EEFSEC: variants seen among roughly 807,000 people sequenced by gnomAD.
EEFSEC encodes the protein eukaryotic elongation factor, selenocysteine-tRNA specific.
Under a neutral mutation model 42.1 loss-of-function variants are expected in EEFSEC, and 43 were observed. The ratio of observed to expected loss-of-function variants is 1.02; its 90% CI spans 0.80 to 1.32. The LOEUF (loss-of-function observed/expected upper bound fraction) is 1.32, where lower values mean the gene tolerates loss of function less well. Ranked by LOEUF, EEFSEC falls within the 40% of genes most tolerant of loss-of-function variation. The pLI is 0.00. For synonymous variants in EEFSEC, 354 were observed against 339.1 expected, an observed-to-expected ratio of 1.04 and a Z score of -0.48; for missense variants, 745 against 803.6, an observed-to-expected ratio of 0.93 and a Z score of 0.88.
chr3:128,216,329 T>C (rs1446256128), intron 1 of EEFSEC, among the ~76,000 whole-genome samples: 5 of 152,200 alleles, frequency 3.3e-5, no homozygotes, highest in African/African-American at 1.2e-4. Context: ...GGTGGTTTCA[T>C]GTCCACTAAC....
At chr3:128,404,289 G>A (rs1249442676) in intron 6 of EEFSEC, among the ~76,000 whole-genome samples, 1 of 152,238 alleles carries the variant, frequency 6.6e-6, no homozygotes, top group Admixed American at 6.5e-5. Context: ...TAGAGCAGAG[G>A]TAAACGAGCC....
At chr3:128,155,675 A>G (rs1363164163) in intron 1 of EEFSEC, among the ~76,000 whole-genome samples, 3 of 152,162 alleles carry the variant, frequency 2.0e-5, no homozygotes, top group Non-Finnish European at 4.4e-5. Flanking sequence ...TATTGGGCAG[A>G]TGATAATTGG....
chr3:128,247,005 A>C lies in EEFSEC; in HGVS notation c.486A>C (p.Lys162Asn), dbSNP rs1190106638. 1 of 1,614,138 alleles carries C rather than the reference A, an allele frequency of 6.2e-7. No homozygotes were observed. Among genetic ancestry groups the C allele is most frequent in the South Asian group, 1.1e-5 (1 of 91,076 alleles). Reference sequence around the variant, plus strand: ...GAAAGAGACAGGCAGCAATTGATAAAATGACCAAGAAAATGCAGAAGACCC... The same window carrying C: ...GAAAGAGACAGGCAGCAATTGATAACATGACCAAGAAAATGCAGAAGACCC... ...PEGKRQAAID[K>N]MTKKMQKTLE... The change falls in exon 2 of 7, where the codon AAA becomes AAC. Residue 162 changes from lysine to asparagine, a missense_variant. Coordinates refer to ENST00000254730, the MANE Select transcript of EEFSEC (RefSeq NM_021937.5).
chr3:128,226,586 C>A (rs942932769), intron 1 of EEFSEC, among the ~76,000 whole-genome samples: 1 of 152,152 alleles, frequency 6.6e-6, no homozygotes, highest in African/African-American at 2.4e-5. Context: ...AGCTTTCCGG[C>A]CTGCTCCCTC....
At chr3:128,413,605 T>TC (rs1016428503), downstream of EEFSEC, among the ~76,000 whole-genome samples, 6 of 152,022 alleles carry the variant, frequency 3.9e-5, no homozygotes, top group African/African-American at 1.2e-4. Flanking sequence ...CCCCACGTGC[T>TC]CCCCCCACGT....
chr3:128,209,278 T>G (rs2065731557), intron 1 of EEFSEC, among the ~76,000 whole-genome samples: 1 of 152,170 alleles, frequency 6.6e-6, no homozygotes, highest in South Asian at 2.1e-4. Context: ...TTGTACTAGG[T>G]GAGACTTTTC....
chr3:128,368,121 T>C (rs1049973142), intron 6 of EEFSEC, among the ~76,000 whole-genome samples: 1 of 152,150 alleles, frequency 6.6e-6, no homozygotes, highest in Admixed American at 6.5e-5. Context: ...CAGATGGTGG[T>C]TGCATTTGGC....
chr3:128,234,162 C>T (rs1349024719), intron 1 of EEFSEC, among the ~76,000 whole-genome samples: 5 of 152,070 alleles, frequency 3.3e-5, no homozygotes, highest in South Asian at 2.1e-4. Flanking sequence ...AAGCAATTCT[C>T]GTGCCTCAGC....
intron 5 of EEFSEC, among the ~76,000 whole-genome samples, chr3:128,355,609 TAA>T (rs5852542): frequency 0.055 from 6,805 of 122,614 alleles, 257 homozygotes; most frequent in African/African-American, 0.13. Flanking sequence ...AATGAAGCTG[TAA>T]AAAAAAAAAA....
chr3:128,254,745 C>T (rs2066224333), intron 2 of EEFSEC, among the ~76,000 whole-genome samples: 1 of 152,090 alleles, frequency 6.6e-6, no homozygotes, highest in East Asian at 1.9e-4. Flanking sequence ...TGGGCCAGGA[C>T]TTCATCCCAG....
intron 1 of EEFSEC, among the ~76,000 whole-genome samples, chr3:128,163,769 A>C (rs2065215210): frequency 6.6e-6 from 1 of 152,070 alleles, no homozygotes; most frequent in Non-Finnish European, 1.5e-5. Context: ...CCGGTCCTGG[A>C]CATTTCATAT....
chr3:128,365,782 G>A (rs1008267222), intron 6 of EEFSEC, among the ~76,000 whole-genome samples: 1 of 152,204 alleles, frequency 6.6e-6, no homozygotes, highest in African/African-American at 2.4e-5. Context: ...TGTGCCACAA[G>A]GACCTCTCCA....
intron 5 of EEFSEC, among the ~76,000 whole-genome samples, chr3:128,347,040 C>A (rs555501294): frequency 1.3e-5 from 2 of 152,094 alleles, no homozygotes; most frequent in South Asian, 4.2e-4. Flanking sequence ...GAGCACCCTG[C>A]GAGGAAAATG....
chr3:128,408,642 C>T lies in EEFSEC; in HGVS notation c.*383C>T, dbSNP rs1170698930. 4 of 180,212 alleles carry T rather than the reference C, an allele frequency of 2.2e-5. No homozygotes were observed. The East Asian group carries it at 5.6e-4, about 25-fold the overall frequency. 11.2% of individuals were successfully genotyped at this position (180,212 alleles called of 1,614,324 possible). On this transcript the variant is annotated 3_prime_UTR_variant, in exon 7 of 7. Transcript: ENST00000254730. ...ATAAATGTCCCGTGGCCCCAGCCCA[C>T]TCTACTGGTGTCTCTCTCTCTGTGA... is the stretch of plus-strand genomic sequence containing the variant.
chr3:128,352,830 C>G (rs1406728262), intron 5 of EEFSEC, among the ~76,000 whole-genome samples: 1 of 152,268 alleles, frequency 6.6e-6, no homozygotes, highest in African/African-American at 2.4e-5. Context: ...TGGAGAGATG[C>G]CTGCACCCAC....
chr3:128,350,813 C>A (rs533563013), intron 5 of EEFSEC, among the ~76,000 whole-genome samples: 3 of 152,286 alleles, frequency 2.0e-5, no homozygotes, highest in African/African-American at 7.2e-5. Flanking sequence ...GCTGGTCAGG[C>A]GTTGATGAGA....
chr3:128,314,564 G>A (rs1029933413), intron 4 of EEFSEC, among the ~76,000 whole-genome samples: 16 of 152,210 alleles, frequency 1.1e-4, no homozygotes, highest in African/African-American at 3.9e-4. Context: ...GGCTGGTCTT[G>A]AACTCCTGGC....
intron 4 of EEFSEC, among the ~76,000 whole-genome samples, chr3:128,310,916 C>T (rs2066883426): frequency 1.3e-5 from 2 of 152,192 alleles, no homozygotes; most frequent in South Asian, 4.1e-4. Flanking sequence ...GTGACTATTA[C>T]AGTGGCAGTG....
At position 128,295,273 on chromosome 3, in the gene EEFSEC, T is replaced by A. The variant is rs189830373; in HGVS notation, c.786+30492T>A. Among the ~76,000 whole-genome samples the A allele has an allele frequency of 1.3e-3, 191 of 152,284 alleles. 1 individual carries two copies. Among genetic ancestry groups the A allele is most frequent in the African/African-American group, 4.5e-3 (186 of 41,576 alleles). On this transcript the variant is annotated intron_variant, in intron 4 of 6. Coordinates refer to ENST00000254730, the MANE Select transcript of EEFSEC (RefSeq NM_021937.5). ...AGCTGGATGGCCCTCTGGCTGCCTC[T>A]TGGGGCCTGGGAAGCAAAGGAAGCA... is the stretch of plus-strand genomic sequence containing the variant.
Sources: gnomAD v4.1 joint callset for allele counts (sites outside exome capture counted in the v4.1 genomes callset) on GRCh38, gnomAD v4.1.1 for gene constraint, MANE v1.5 for transcripts, NCBI Gene and HGNC (gene_info 2026-07-23, HGNC 2026-07-21) for gene names.